RNF169: variants seen among roughly 807,000 people sequenced by gnomAD.
The protein encoded by RNF169 is E3 ubiquitin-protein ligase RNF169.
RNF169 carries 24 observed loss-of-function variants against 53.9 expected under a neutral mutation model. The observed-to-expected ratio is 0.45, with a 90% confidence interval of 0.32 to 0.63. The LOEUF is 0.63. RNF169 is among the 20% of genes least tolerant of loss of function. RNF169 has a pLI of 0.04. For synonymous variants in RNF169, 396 were observed against 363.5 expected, an observed-to-expected ratio of 1.09 and a Z score of -1.02; for missense variants, 883 against 906.2, an observed-to-expected ratio of 0.97 and a Z score of 0.33.
At chr11:74,826,224 G>A (rs2036094275) in intron 4 of RNF169, among the ~76,000 whole-genome samples, 1 of 152,150 alleles carries the variant, frequency 6.6e-6, no homozygotes, top group South Asian at 2.1e-4. Context: ...TACTCCAGAG[G>A]CTGAGACATG....
In RNF169 at chr11:74,836,693, A is replaced by G. The variant is rs2036262826; in HGVS notation, c.2090A>G (p.Tyr697Cys). The change falls in exon 6 of 6, where the codon TAT becomes TGT. Residue 697 changes from tyrosine to cysteine, a missense_variant. By Grantham distance (194) the Tyr-to-Cys change is radical. Coordinates refer to ENST00000299563, the MANE Select transcript of RNF169 (RefSeq NM_001098638.2). ...CGGCGAAAAGGAAGTGTGGATCAGT[A>G]TCTCCTACGGTCCAGCAACATGGCC... ...VSRRKGSVDQYLLRSSNMAGA... is the reference protein window; with the variant it reads ...VSRRKGSVDQCLLRSSNMAGA... The G allele has an allele frequency of 6.2e-7, 1 of 1,612,730 alleles. No individual in the cohort carries two copies.
chr11:74,789,272 GAAAAAAATAAGATAGTTGAGACA>G (rs1554995220), intron 1 of RNF169, among the ~76,000 whole-genome samples: 1 of 152,034 alleles, frequency 6.6e-6, no homozygotes, highest in Non-Finnish European at 1.5e-5. Flanking sequence ...GAAATGCAGG[GAAAAAAATAAGATAGTTGAGACA>G]ACTGAAAAAG....
At chr11:74,765,328 C>T (rs551488019) in intron 1 of RNF169, among the ~76,000 whole-genome samples, 4 of 152,240 alleles carry the variant, frequency 2.6e-5, no homozygotes, top group East Asian at 1.9e-4. Flanking sequence ...GCAACATTTA[C>T]GTAATTTTCC....
chr11:74,758,745 C>G (rs2035027068), intron 1 of RNF169, among the ~76,000 whole-genome samples: 1 of 152,158 alleles, frequency 6.6e-6, no homozygotes, highest in Admixed American at 6.5e-5. Context: ...ACCTCGTGAT[C>G]CGCCCACCTT....
intron 2 of RNF169, among the ~76,000 whole-genome samples, chr11:74,795,343 C>A (rs1433649131): frequency 2.0e-5 from 3 of 151,626 alleles, no homozygotes; most frequent in African/African-American, 7.3e-5. Flanking sequence ...CCTTAGCCTC[C>A]CAAGTAGCTG....
chr11:74,769,586 G>T (rs1255282300), intron 1 of RNF169, among the ~76,000 whole-genome samples: 1 of 152,188 alleles, frequency 6.6e-6, no homozygotes, highest in Non-Finnish European at 1.5e-5. Flanking sequence ...TCTTTGATAG[G>T]AGAAGGGATA....
chr11:74,761,938 T>C (rs1320366956), intron 1 of RNF169, among the ~76,000 whole-genome samples: 6 of 149,744 alleles, frequency 4.0e-5, no homozygotes, highest in East Asian at 3.9e-4. Context: ...CTTTCAGGTA[T>C]ACCAATCAGA....
In RNF169 at chr11:74,836,477, A is replaced by G; in HGVS notation, c.1874A>G (p.His625Arg). 6.2e-7 allele frequency: 1 copy of G among 1,614,224 alleles called. No individual in the cohort carries two copies. The highest frequency in any genetic ancestry group is 8.5e-7 in the Non-Finnish European group (1 of 1,180,038). Residue 625 changes from histidine (H) to arginine (R), a missense_variant, in exon 6 of 6, where the codon CAC (histidine) becomes CGC (arginine). Transcript: ENST00000299563. ...LPSLRRGRKRHCKTKHLEQNG... is the reference protein window; with the variant it reads ...LPSLRRGRKRRCKTKHLEQNG... ...TCTTTGCGTCGAGGCCGGAAAAGAC[A>G]CTGCAAGACCAAGCACTTAGAACAA...
intron 1 of RNF169, among the ~76,000 whole-genome samples, chr11:74,783,551 G>T (rs1487665821): frequency 1.3e-5 from 2 of 152,216 alleles, no homozygotes; most frequent in African/African-American, 4.8e-5. Flanking sequence ...GTTCTGTGAG[G>T]TGAAGGAAGG....
chr11:74,822,675 CTA>C (rs939599820), intron 4 of RNF169, among the ~76,000 whole-genome samples: 15 of 151,906 alleles, frequency 9.9e-5, no homozygotes, highest in African/African-American at 3.6e-4. Flanking sequence ...ATTTCTCTGT[CTA>C]TGAATTGGGG....
At chr11:74,835,044 G>A (rs2036233011) in intron 5 of RNF169, among the ~76,000 whole-genome samples, 2 of 152,110 alleles carry the variant, frequency 1.3e-5, no homozygotes, top group South Asian at 4.1e-4. Flanking sequence ...GTGCAGTGGT[G>A]CAACCATAGC....
Position 74,785,278 on chromosome 11 carries a change from T to G in RNF169, c.503-4348T>G, listed in dbSNP as rs1032160752. On this transcript the variant is annotated intron_variant, in intron 1 of 5. Coordinates refer to ENST00000299563, the MANE Select transcript of RNF169 (RefSeq NM_001098638.2). The stretch of plus-strand genomic sequence containing the variant: ...AGATATATATGTTATATATATTAGA[T>G]ATATATATGTTATATATATTAGAGA... 8.4e-4 allele frequency among the ~76,000 whole-genome samples: 121 copies of G among 143,246 alleles called. 3 individuals are homozygous for G. Among genetic ancestry groups the G allele is most frequent in the Middle Eastern group, 3.6e-3 (1 of 276 alleles). 94.0% of individuals were successfully genotyped at this position (143,246 alleles called of 152,430 possible).
At chr11:74,798,220 C>T (rs977608737) in intron 2 of RNF169, among the ~76,000 whole-genome samples, 2 of 152,284 alleles carry the variant, frequency 1.3e-5, no homozygotes, top group African/African-American at 4.8e-5. Context: ...ACTGGTGAGC[C>T]GGGTGGAACA....
rs1370795940 is a variant in RNF169, at chr11:74,835,738, C to T, written c.1135C>T (p.Leu379=). ...PESNDSISEE[L]NHFKPIVCSP... is the part of the protein sequence containing the mutation. ...GAGCAATGACAGCATCTCCGAAGAA[C>T]TAAACCATTTCAAGCCCATTGTCTG... The change falls in exon 6 of 6, where the codon CTA becomes TTA. Residue 379 remains leucine, a synonymous_variant. Transcript: ENST00000299563. 6.2e-7 allele frequency: 1 copy of T among 1,614,206 alleles called. No homozygotes were observed. Among genetic ancestry groups the T allele is most frequent in the East Asian group, 2.2e-5 (1 of 44,884 alleles).
Position 74,841,361 on chromosome 11 carries a change from A to G in RNF169, c.*4631A>G, listed in dbSNP as rs1353444062. The stretch of plus-strand genomic sequence containing the variant: ...AGAGATTTTCTTCTGAAGATGATCT[A>G]GGAAATGCATCTTTATACATGATTG... On this transcript the variant is annotated 3_prime_UTR_variant, in exon 6 of 6. Transcript: ENST00000299563. 6.6e-6 allele frequency: 1 copy of G among 152,218 alleles called. No homozygotes were observed. Among genetic ancestry groups the G allele is most frequent in the East Asian group, 1.9e-4 (1 of 5,200 alleles). The allele number at this position is 152,218 out of a possible 1,614,324, so 9.4% of individuals were successfully genotyped here. A position where few individuals can be genotyped will look rare whatever the true frequency, so the allele number is the denominator to read the frequency against.
At chr11:74,817,499 G>T (rs1458038510) in intron 3 of RNF169, 97 bp from the exon 4 acceptor site, 2 of 743,382 alleles carry the variant, frequency 2.7e-6, no homozygotes, top group South Asian at 1.7e-5. Context: ...GGAGCTCACA[G>T]AGAAGCGACA....
At chr11:74,787,326 A>T (rs2035517621) in intron 1 of RNF169, among the ~76,000 whole-genome samples, 1 of 152,222 alleles carries the variant, frequency 6.6e-6, no homozygotes, top group South Asian at 2.1e-4. Flanking sequence ...AAGAAGAAAA[A>T]GTTAATACAA....
chr11:74,758,671 T>A (rs1166653242), intron 1 of RNF169, among the ~76,000 whole-genome samples: 5 of 152,032 alleles, frequency 3.3e-5, no homozygotes, highest in Non-Finnish European at 5.9e-5. Flanking sequence ...CCGGCTAATT[T>A]TTTTTTGTAT....
At chr11:74,816,946 G>GA (rs1199610828) in intron 3 of RNF169, among the ~76,000 whole-genome samples, 1 of 152,166 alleles carries the variant, frequency 6.6e-6, no homozygotes, top group African/African-American at 2.4e-5. Flanking sequence ...GGTATTATTA[G>GA]AGAGAAGAAA....
Sources: gnomAD v4.1 joint callset for allele counts (sites outside exome capture counted in the v4.1 genomes callset) on GRCh38, gnomAD v4.1.1 for gene constraint, MANE v1.5 for transcripts, NCBI Gene and HGNC (gene_info 2026-07-23, HGNC 2026-07-21) for gene names.